Variants in ATP5PF observed in about 807,000 individuals in gnomAD.
ATP5PF encodes ATP synthase peripheral stalk subunit F6, mitochondrial.
A neutral mutation model predicts 12.0 loss-of-function variants in ATP5PF; 7 were observed. The ratio of observed to expected loss-of-function variants is 0.58; its 90% CI spans 0.33 to 1.10. The LOEUF is 1.10. Among genes scored for constraint, ATP5PF ranks in the 50% least tolerant of loss-of-function variants. ATP5PF has a pLI of 0.03. For missense variants in ATP5PF, 120 were observed against 127.7 expected, an observed-to-expected ratio of 0.94 and a Z score of 0.29; for synonymous variants, 41 against 45.4, an observed-to-expected ratio of 0.90 and a Z score of 0.39.
At chr21:25,735,027 G>A, upstream of ATP5PF, 1 of 1,496,992 alleles carries the variant, frequency 6.7e-7, no homozygotes, top group Non-Finnish European at 9.1e-7. Flanking sequence ...GCGACCGGAC[G>A]GGTCTAGGTG....
In ATP5PF at chr21:25,732,985, CAAAAAAAAA is replaced by C. The variant is rs370858284; in HGVS notation, c.-8+1859_-8+1867del. Among the ~76,000 whole-genome samples the C allele has an allele frequency of 1.6e-3, 78 of 47,812 alleles. 2 individuals carry two copies. The highest frequency in any genetic ancestry group is 5.0e-3 in the African/African-American group (60 of 11,974). 31.4% of individuals were successfully genotyped at this position (47,812 alleles called of 152,430 possible). A position where few individuals can be genotyped will look rare whatever the true frequency, so the allele number is the denominator to read the frequency against. On this transcript the variant is annotated intron_variant, in intron 1 of 3. Transcript: ENST00000284971. Reference sequence around the variant, plus strand: ...GGGCAACAAGAGTGAAACTCTGTCTCAAAAAAAAAAAAAAAAAAAAAAAAAAAGAAATCC... The same window carrying C: ...GGGCAACAAGAGTGAAACTCTGTCTCAAAAAAAAAAAAAAAAAAGAAATCC...
In ATP5PF at chr21:25,730,683, G is replaced by A. The variant is rs1197985974; in HGVS notation, c.-7-882C>T. Among the ~76,000 whole-genome samples, 3 of 126,206 alleles carry A rather than the reference G, an allele frequency of 2.4e-5. No homozygotes were observed. In the East Asian group the frequency reaches 7.3e-4, roughly 31 times the overall value. The allele number at this position is 126,206 out of a possible 152,430, so 82.8% of individuals were successfully genotyped here. ...CAGGAGGCAGAGGATGCAGTGAGCC[G>A]AGATTGTGCCATTGCACTCCAGCCT... On this transcript the variant is annotated intron_variant, in intron 1 of 3. Coordinates refer to ENST00000284971, the MANE Select transcript of ATP5PF (RefSeq NM_001003703.2).
intron 1 of ATP5PF, among the ~76,000 whole-genome samples, chr21:25,733,667 G>A (rs906316079): frequency 6.6e-6 from 1 of 152,056 alleles, no homozygotes; most frequent in Non-Finnish European, 1.5e-5. Context: ...AGGTTCACCC[G>A]ACATTTGCTT....
chr21:25,732,335 T>C (rs1404513220), intron 1 of ATP5PF, among the ~76,000 whole-genome samples: 3 of 152,150 alleles, frequency 2.0e-5, no homozygotes, highest in Non-Finnish European at 4.4e-5. Flanking sequence ...TGGAATGGCA[T>C]GTAAAAATTA....
In ATP5PF at chr21:25,724,590, T is replaced by C; in HGVS notation, c.*50A>G. On this transcript the variant is annotated 3_prime_UTR_variant, in exon 4 of 4. Transcript: ENST00000284971. ...TGTTTATTCTGAAACTTCTAACTAG[T>C]TGTACAACTAATCCGTGACAAATTA... 4 of 1,577,204 alleles carry C rather than the reference T, an allele frequency of 2.5e-6. No homozygotes were observed. The highest frequency in any genetic ancestry group is 3.5e-6 in the Non-Finnish European group (4 of 1,153,628).
At chr21:25,730,895 T>C (rs1487856480) in intron 1 of ATP5PF, among the ~76,000 whole-genome samples, 2 of 151,614 alleles carry the variant, frequency 1.3e-5, no homozygotes. Flanking sequence ...AAAGATCAAA[T>C]GCAAAAAATA....
upstream of ATP5PF, chr21:25,734,938 C>T (rs531270659): frequency 1.3e-6 from 2 of 1,575,268 alleles, no homozygotes; most frequent in South Asian, 2.3e-5. Flanking sequence ...CACACGCCTA[C>T]CCGCCATCGC....
chr21:25,730,659 A>G (rs567346853), intron 1 of ATP5PF, among the ~76,000 whole-genome samples: 211 of 143,106 alleles, frequency 1.5e-3, no homozygotes, highest in Non-Finnish European at 2.5e-3. Flanking sequence ...GCTTGAACCC[A>G]GGAGGCAGAG....
At chr21:25,735,325 T>C (rs1045747391), upstream of ATP5PF, 4 of 258,190 alleles carry the variant, frequency 1.5e-5, no homozygotes, top group Admixed American at 5.2e-5. Context: ...CTCGTGAGCC[T>C]CCGTTGCCTT....
chr21:25,730,624 C>T (rs1253293591), intron 1 of ATP5PF, among the ~76,000 whole-genome samples: 1 of 151,000 alleles, frequency 6.6e-6, no homozygotes, highest in Non-Finnish European at 1.5e-5. Flanking sequence ...ATCCCAGCTA[C>T]TCAGGAGGCT....
At chr21:25,729,860 T>C in intron 1 of ATP5PF, 59 bp from the exon 2 acceptor site, 1 of 1,527,340 alleles carries the variant, frequency 6.5e-7, no homozygotes. Flanking sequence ...CACCTCTAAA[T>C]ATATCATGAG....
chr21:25,730,779 T>TAAAAAAAAAAAAAAAAAA (rs1555875170), intron 1 of ATP5PF, among the ~76,000 whole-genome samples: 1 of 67,828 alleles, frequency 1.5e-5, no homozygotes, highest in Non-Finnish European at 3.8e-5. Context: ...AAAAAAAGAC[T>TAAAAAAAAAAAAAAAAAA]TAAAGACTTT....
intron 1 of ATP5PF, among the ~76,000 whole-genome samples, chr21:25,730,456 A>G (rs35462494): frequency 0.29 from 44,366 of 152,078 alleles, 8,480 homozygotes; most frequent in African/African-American, 0.54. Flanking sequence ...ACTTATGGCC[A>G]GGTGCAGTGG....
chr21:25,735,065 T>A, upstream of ATP5PF: 1 of 1,169,590 alleles, frequency 8.5e-7, no homozygotes, highest in Non-Finnish European at 1.2e-6. Context: ...GAGGAGGAAG[T>A]GGAGGGTAAG....
At chr21:25,725,960 T>C (rs2123439709) in intron 2 of ATP5PF, among the ~76,000 whole-genome samples, 1 of 152,326 alleles carries the variant, frequency 6.6e-6, no homozygotes, top group African/African-American at 2.4e-5. Flanking sequence ...TATCGTTAAG[T>C]CTACAGGCTC....
upstream of ATP5PF, chr21:25,735,202 A>G (rs71649641): frequency 9.7e-4 from 577 of 594,908 alleles, 3 homozygotes; most frequent in African/African-American, 9.8e-3. Context: ...CCCTAGTTCA[A>G]GCTCCCCTCC....
Position 25,731,967 on chromosome 21 carries a change from A to T in ATP5PF, c.-7-2166T>A, listed in dbSNP as rs1274908324. Among the ~76,000 whole-genome samples, 5 of 152,160 alleles carry T rather than the reference A, an allele frequency of 3.3e-5. No individual in the cohort carries two copies. In the East Asian group the frequency reaches 9.6e-4, roughly 29 times the overall value. ...AAGTGACTTCATTGTTTTGTTTTTTAAATTTCATTTCTTTTGTAATTCATT... is the reference window on the plus strand; with the variant it reads ...AAGTGACTTCATTGTTTTGTTTTTTTAATTTCATTTCTTTTGTAATTCATT... On this transcript the variant is annotated intron_variant, in intron 1 of 3. Coordinates refer to ENST00000284971, the MANE Select transcript of ATP5PF (RefSeq NM_001003703.2).
chr21:25,735,021 C>T, upstream of ATP5PF: 2 of 1,518,028 alleles, frequency 1.3e-6, no homozygotes, highest in Non-Finnish European at 1.8e-6. Context: ...CAGTCTGCGA[C>T]CGGACGGGTC....
Position 25,724,622 on chromosome 21 carries a change from T to C in ATP5PF, c.*18A>G, listed in dbSNP as rs1252595304. On this transcript the variant is annotated 3_prime_UTR_variant, in exon 4 of 4. Coordinates refer to ENST00000284971, the MANE Select transcript of ATP5PF (RefSeq NM_001003703.2). The stretch of plus-strand genomic sequence containing the variant: ...ACTAATCCGTGACAAATTACCAGAT[T>C]AATTTTACTTTATTTCTTCAGGCCT... 2 of 1,603,364 alleles carry C rather than the reference T, an allele frequency of 1.2e-6. No individual in the cohort carries two copies. The highest frequency in any genetic ancestry group is 1.7e-6 in the Non-Finnish European group (2 of 1,176,950).
Sources: allele counts gnomAD v4.1 joint callset (sites outside exome capture counted in the v4.1 genomes callset), GRCh38; gene constraint gnomAD v4.1.1; transcripts MANE v1.5; gene names NCBI Gene and HGNC (gene_info 2026-07-23, HGNC 2026-07-21).